The following GRIK4 variants were observed in gnomAD, a reference collection of about 807,000 sequenced individuals.
GRIK4 encodes the protein glutamate ionotropic receptor kainate type subunit 4, also known as glutamate receptor ionotropic, kainate 4.
Under a neutral mutation model 104.9 loss-of-function variants are expected in GRIK4, and 40 were observed. The ratio of observed to expected loss-of-function variants is 0.38; its 90% CI spans 0.30 to 0.50. GRIK4 has a LOEUF of 0.50. Ranked by LOEUF, GRIK4 falls within the 20% of genes least tolerant of loss-of-function variation. GRIK4 has a pLI of 0.93. For missense variants in GRIK4, 1,047 were observed against 1,308.1 expected (o/e 0.80, Z 3.08); for synonymous variants, 485 against 524.9 (o/e 0.92, Z 1.04).
At chr11:120,597,997 T>C (rs1247082439) in intron 1 of GRIK4, among the ~76,000 whole-genome samples, 3 of 152,170 alleles carry the variant, frequency 2.0e-5, no homozygotes, top group Non-Finnish European at 4.4e-5. Flanking sequence ...AAACGTCTCT[T>C]TCCTCAGAGA....
intron 3 of GRIK4, among the ~76,000 whole-genome samples, chr11:120,742,926 G>C (rs937033217): frequency 1.1e-4 from 16 of 152,292 alleles, no homozygotes; most frequent in Middle Eastern, 3.4e-3. Flanking sequence ...ATGGAATACT[G>C]TGCAGCCATA....
chr11:120,600,074 C>A (rs1225064244), intron 1 of GRIK4, among the ~76,000 whole-genome samples: 1 of 152,158 alleles, frequency 6.6e-6, no homozygotes, highest in Non-Finnish European at 1.5e-5. Context: ...GTGGCCGAAG[C>A]CCTTGGGTGG....
At chr11:120,712,805 A>G (rs1191172867) in intron 3 of GRIK4, among the ~76,000 whole-genome samples, 4 of 152,006 alleles carry the variant, frequency 2.6e-5, no homozygotes, top group Non-Finnish European at 5.9e-5. Context: ...GGCCCTTTAT[A>G]CACTTGAAGT....
At chr11:120,687,910 G>A (rs371228546) in intron 3 of GRIK4, among the ~76,000 whole-genome samples, 234 of 152,162 alleles carry the variant, frequency 1.5e-3, no homozygotes, top group African/African-American at 5.4e-3. Context: ...AGAGACTTTC[G>A]GCTGAGATTT....
At chr11:120,801,907 C>G (rs1952627924) in intron 3 of GRIK4, among the ~76,000 whole-genome samples, 1 of 152,194 alleles carries the variant, frequency 6.6e-6, no homozygotes, top group African/African-American at 2.4e-5. Flanking sequence ...CTGTGGAGGG[C>G]TGCAGCTGGG....
chr11:120,771,762 C>CA (rs1951946457), intron 3 of GRIK4, among the ~76,000 whole-genome samples: 1 of 152,142 alleles, frequency 6.6e-6, no homozygotes, highest in African/African-American at 2.4e-5. Context: ...CTATAGCTGC[C>CA]CCAGGTGTGG....
intron 3 of GRIK4, among the ~76,000 whole-genome samples, chr11:120,707,688 A>G (rs998213424): frequency 1.3e-5 from 2 of 152,194 alleles, no homozygotes; most frequent in African/African-American, 2.4e-5. Flanking sequence ...TCTGTGCTCC[A>G]TGTAGCATCA....
At chr11:120,597,991 G>A (rs983111602) in intron 1 of GRIK4, among the ~76,000 whole-genome samples, 2 of 152,164 alleles carry the variant, frequency 1.3e-5, no homozygotes, top group Admixed American at 6.5e-5. Flanking sequence ...TGGATGAAAC[G>A]TCTCTTTCCT....
intron 1 of GRIK4, among the ~76,000 whole-genome samples, chr11:120,587,392 A>G (rs1339611624): frequency 1.3e-5 from 2 of 152,208 alleles, no homozygotes; most frequent in Non-Finnish European, 2.9e-5. Flanking sequence ...GCTTTGGATC[A>G]GATAGCTCAG....
intron 3 of GRIK4, among the ~76,000 whole-genome samples, chr11:120,781,509 C>A (rs1952156681): frequency 6.6e-6 from 1 of 152,152 alleles, no homozygotes; most frequent in African/African-American, 2.4e-5. Context: ...TGCCACCATG[C>A]CCAGCTAACT....
At chr11:120,673,555 T>C (rs1392901564) in intron 3 of GRIK4, among the ~76,000 whole-genome samples, 1 of 152,234 alleles carries the variant, frequency 6.6e-6, no homozygotes, top group Non-Finnish European at 1.5e-5. Context: ...CTGTTGGTCT[T>C]ACCTTGTCCC....
At position 120,956,972 on chromosome 11, in the gene GRIK4, G is replaced by C. The variant is rs1295694565; in HGVS notation, c.1874+19G>C. The C allele has an allele frequency of 6.4e-7, 1 of 1,572,852 alleles. No homozygotes were observed. Among genetic ancestry groups the C allele is most frequent in the African/African-American group, 1.3e-5 (1 of 74,356 alleles). ...GCGTCTGGTAAGGCCCCAGGCAGAG[G>C]TGAACCAGGCCAGGTGGGGTGGGGA... On this transcript the variant is annotated intron_variant, in intron 16 of 20. Coordinates refer to ENST00000527524, the MANE Select transcript of GRIK4 (RefSeq NM_014619.5). This position sits in a 1 kb window ranked among gnomAD's most constrained non-coding sequence, Gnocchi z 4.6.
At chr11:120,552,138 C>T (rs1200985489) in intron 1 of GRIK4, among the ~76,000 whole-genome samples, 1 of 152,194 alleles carries the variant, frequency 6.6e-6, no homozygotes, top group Non-Finnish European at 1.5e-5. Context: ...CAGAATTTCC[C>T]CCGGGGCCTG....
chr11:120,894,202 C>T (rs1456956026), intron 11 of GRIK4: 1 of 152,182 alleles, frequency 6.6e-6, no homozygotes, highest in South Asian at 2.1e-4. Context: ...TGACACAGTA[C>T]CTTGCACATA....
intron 3 of GRIK4, among the ~76,000 whole-genome samples, chr11:120,782,285 C>CT (rs1264123873): frequency 0.1 from 13,332 of 132,672 alleles, 1,210 homozygotes; most frequent in African/African-American, 0.22. Context: ...GCCAGTATGA[C>CT]TTTTTTTTTT....
chr11:120,825,640 G>T (rs1249234086), intron 6 of GRIK4, among the ~76,000 whole-genome samples: 1 of 152,230 alleles, frequency 6.6e-6, no homozygotes, highest in East Asian at 1.9e-4. Flanking sequence ...GGGAGGATGT[G>T]CTGTCAAAGA....
At chr11:120,632,894 C>T (rs1365098359) in intron 1 of GRIK4, among the ~76,000 whole-genome samples, 1 of 152,148 alleles carries the variant, frequency 6.6e-6, no homozygotes, top group African/African-American at 2.4e-5. Flanking sequence ...TTGTTACTAG[C>T]TCACGTCTTA....
intron 3 of GRIK4, among the ~76,000 whole-genome samples, chr11:120,753,340 T>TGCGTGC (rs1555055681): frequency 3.4e-5 from 5 of 147,724 alleles, no homozygotes; most frequent in African/African-American, 9.9e-5. Context: ...TGTGTGTGTG[T>TGCGTGC]GTGCAGGGTG....
rs1211268876 is a variant in GRIK4, at chr11:120,962,662, T to C, written c.2247T>C (p.Tyr749=). 3 of 1,613,546 alleles carry C rather than the reference T, an allele frequency of 1.9e-6. No homozygotes were observed. The highest frequency in any genetic ancestry group is 1.7e-5 in the Admixed American group (1 of 60,028). ...GGGGCCTGCTGGACACCAAGGGCTA[T>C]GGGATTGGCATGCCAGTCGGTATGC... ...QIGGLLDTKG[Y]GIGMPVGSVF... Residue 749 remains tyrosine, a synonymous_variant, in exon 18 of 21, where the codon TAT becomes TAC. Transcript: ENST00000527524.
Sources: allele counts gnomAD v4.1 joint callset (sites outside exome capture counted in the v4.1 genomes callset), GRCh38; gene constraint gnomAD v4.1.1; non-coding constraint Gnocchi (gnomAD v3.1); transcripts MANE v1.5; gene names NCBI Gene and HGNC (gene_info 2026-07-23, HGNC 2026-07-21).